Variants in TRPS1 observed in about 807,000 individuals in gnomAD.
TRPS1 encodes zinc finger transcription factor Trps1.
Under a neutral mutation model 101.2 loss-of-function variants are expected in TRPS1, and 6 were observed. That is an observed-to-expected ratio of 0.06 (90% CI 0.03 to 0.12). The LOEUF (loss-of-function observed/expected upper bound fraction) is 0.12, where lower values mean the gene tolerates loss of function less well. Ranked by LOEUF, TRPS1 falls within the 10% of genes least tolerant of loss-of-function variation. The probability of loss-of-function intolerance (pLI) is 1.00; values close to 1 mark genes in which losing one functional copy is unlikely to be tolerated. For missense variants in TRPS1, 1,363 were observed against 1,567.0 expected, an observed-to-expected ratio of 0.87 and a Z score of 2.20; for synonymous variants, 578 against 589.8, an observed-to-expected ratio of 0.98 and a Z score of 0.29.
intron 5 of TRPS1, among the ~76,000 whole-genome samples, chr8:115,419,074 C>T (rs1812990416): frequency 2.6e-5 from 4 of 152,220 alleles, no homozygotes; most frequent in South Asian, 4.2e-4. Context: ...CTAATGAGAA[C>T]CCTTATGAGG....
intron 1 of TRPS1, among the ~76,000 whole-genome samples, chr8:115,629,830 C>G (rs1818599451): frequency 6.6e-6 from 1 of 151,870 alleles, no homozygotes. Flanking sequence ...CCACTCCACT[C>G]AGTCTGTGTC....
At chr8:115,562,137 A>C (rs1030675651) in intron 5 of TRPS1, among the ~76,000 whole-genome samples, 2 of 152,110 alleles carry the variant, frequency 1.3e-5, no homozygotes, top group Admixed American at 6.6e-5. Flanking sequence ...TTTGTAGGCA[A>C]GTATAATTTC....
chr8:115,559,408 G>A (rs1423768764), intron 5 of TRPS1, among the ~76,000 whole-genome samples: 1 of 152,046 alleles, frequency 6.6e-6, no homozygotes, highest in Non-Finnish European at 1.5e-5. Context: ...TCAATCTTAG[G>A]GTTATAATAA....
chr8:115,525,147 T>C (rs1214025108), intron 5 of TRPS1, among the ~76,000 whole-genome samples: 1 of 152,144 alleles, frequency 6.6e-6, no homozygotes, highest in African/African-American at 2.4e-5. Flanking sequence ...AAGTATCTTA[T>C]GGTCAGATCT....
At chr8:115,540,169 A>G (rs1338317848) in intron 5 of TRPS1, among the ~76,000 whole-genome samples, 1 of 152,238 alleles carries the variant, frequency 6.6e-6, no homozygotes, top group Non-Finnish European at 1.5e-5. Flanking sequence ...AACATGCTTT[A>G]GTACAAAATA....
Position 115,413,849 on chromosome 8 carries a change from T to C in TRPS1, c.*174A>G. On this transcript the variant is annotated 3_prime_UTR_variant, in exon 7 of 7. Transcript: ENST00000395715. ...TCTCATTGACCATTTATCTCACTTT[T>C]TAATCTTGGTAACCTACTCATCAAA... 1.5e-6 allele frequency: 1 copy of C among 652,584 alleles called. No individual in the cohort carries two copies. The highest frequency in any genetic ancestry group is 2.8e-5 in the East Asian group (1 of 35,684). The allele number at this position is 652,584 out of a possible 1,614,324, so 40.4% of individuals were successfully genotyped here. A position where few individuals can be genotyped will look rare whatever the true frequency, so the allele number is the denominator to read the frequency against.
chr8:115,622,795 A>G (rs1366369664), intron 2 of TRPS1, among the ~76,000 whole-genome samples: 1 of 152,184 alleles, frequency 6.6e-6, no homozygotes, highest in Non-Finnish European at 1.5e-5. Context: ...AATCTAATTC[A>G]TTAAGGTTAG....
At chr8:115,588,417 A>G (rs1309570758) in intron 4 of TRPS1, among the ~76,000 whole-genome samples, 1 of 152,234 alleles carries the variant, frequency 6.6e-6, no homozygotes, top group Non-Finnish European at 1.5e-5. Context: ...GTCAAACACC[A>G]TAATAGAGGC....
At chr8:115,447,918 C>T (rs1177042263) in intron 5 of TRPS1, among the ~76,000 whole-genome samples, 1 of 152,068 alleles carries the variant, frequency 6.6e-6, no homozygotes, top group Non-Finnish European at 1.5e-5. Flanking sequence ...AATGTCTCAA[C>T]TTTCTAAATC....
rs71287271 is a variant in TRPS1 at position 115,409,919 on chromosome 8, C to CT, written c.*4103dup. ...ACCAAAGACGACTTGATCTTTTTTT[C>CT]TTTTTTTTTTTTTGCCATGGCTCTC... is the stretch of plus-strand genomic sequence containing the variant. On this transcript the variant is annotated 3_prime_UTR_variant, in exon 7 of 7. Transcript: ENST00000395715. The CT allele has an allele frequency of 0.58, 82,906 of 143,476 alleles. 24,827 individuals carry two copies. Among genetic ancestry groups the CT allele is most frequent in the East Asian group, 0.8 (3,910 of 4,880 alleles). The allele number at this position is 143,476 out of a possible 1,614,324, so 8.9% of individuals were successfully genotyped here. A position where few individuals can be genotyped will look rare whatever the true frequency, so the allele number is the denominator to read the frequency against.
At chr8:115,506,238 A>C (rs1815440041) in intron 5 of TRPS1, among the ~76,000 whole-genome samples, 1 of 152,010 alleles carries the variant, frequency 6.6e-6, no homozygotes, top group East Asian at 1.9e-4. Flanking sequence ...AAATGGGGTA[A>C]AAAAACATGC....
intron 1 of TRPS1, among the ~76,000 whole-genome samples, chr8:115,626,490 A>T (rs1355605075): frequency 6.6e-6 from 1 of 151,760 alleles, no homozygotes; most frequent in African/African-American, 2.4e-5. Flanking sequence ...AAACTGCTTC[A>T]AACTTCGTAA....
chr8:115,515,271 C>T (rs1214969051), intron 5 of TRPS1: 1 of 697,932 alleles, frequency 1.4e-6, no homozygotes, highest in Admixed American at 2.0e-5. Context: ...GTCATCCAAG[C>T]AGATTCAAAA....
At chr8:115,450,996 A>G (rs1813857039) in intron 5 of TRPS1, among the ~76,000 whole-genome samples, 1 of 152,222 alleles carries the variant, frequency 6.6e-6, no homozygotes, top group African/African-American at 2.4e-5. Flanking sequence ...AAAGTGTACA[A>G]AAGGGTGGTT....
intron 1 of TRPS1, among the ~76,000 whole-genome samples, chr8:115,624,464 A>G (rs760414723): frequency 6.6e-5 from 10 of 151,986 alleles, no homozygotes; most frequent in Non-Finnish European, 1.3e-4. Context: ...CCACCTGAAC[A>G]GCCCATATAA....
At position 115,414,015 on chromosome 8, in the gene TRPS1, C is replaced by T. The variant is rs772865087; in HGVS notation, c.*8G>A. On this transcript the variant is annotated 3_prime_UTR_variant, in exon 7 of 7. Coordinates refer to ENST00000395715, the MANE Select transcript of TRPS1 (RefSeq NM_014112.5). This position sits in a 1 kb window ranked among gnomAD's most constrained non-coding sequence, Gnocchi z 4.8. ...TATTTCTATTTAATTGTGCTAAGTGCTAAGGTTTTACTCTTTAGGTTTTCC... is the reference window on the plus strand; with the variant it reads ...TATTTCTATTTAATTGTGCTAAGTGTTAAGGTTTTACTCTTTAGGTTTTCC... 4 of 1,612,878 alleles carry T rather than the reference C, an allele frequency of 2.5e-6. No individual in the cohort carries two copies. Among genetic ancestry groups the T allele is most frequent in the South Asian group, 2.2e-5 (2 of 90,996 alleles).
intron 5 of TRPS1, among the ~76,000 whole-genome samples, chr8:115,449,608 G>A (rs1278945932): frequency 6.6e-6 from 1 of 152,228 alleles, no homozygotes; most frequent in Non-Finnish European, 1.5e-5. Flanking sequence ...CCAGCAGCTA[G>A]CTAGAGGTCT....
At chr8:115,643,196 CT>C (rs779021790) in intron 1 of TRPS1, among the ~76,000 whole-genome samples, 319 of 152,230 alleles carry the variant, frequency 2.1e-3, no homozygotes, top group Non-Finnish European at 3.6e-3. Context: ...GAGGTCTTTG[CT>C]GAAGCTGGGG....
At chr8:115,525,347 A>G (rs1815970068) in intron 5 of TRPS1, among the ~76,000 whole-genome samples, 2 of 152,150 alleles carry the variant, frequency 1.3e-5, no homozygotes, top group South Asian at 4.1e-4. Context: ...GAATTTGTCT[A>G]TAGTACAGAG....
Sources: allele counts gnomAD v4.1 joint callset (sites outside exome capture counted in the v4.1 genomes callset), GRCh38; gene constraint gnomAD v4.1.1; non-coding constraint Gnocchi (gnomAD v3.1); transcripts MANE v1.5; gene names NCBI Gene and HGNC (gene_info 2026-07-23, HGNC 2026-07-21).